PTPRD: variants seen among roughly 807,000 people sequenced by gnomAD.
PTPRD encodes the protein protein tyrosine phosphatase receptor type D.
A neutral mutation model predicts 214.5 loss-of-function variants in PTPRD; 34 were observed. The ratio of observed to expected loss-of-function variants is 0.16; its 90% CI spans 0.12 to 0.21. PTPRD has a LOEUF of 0.21. PTPRD is among the 10% of genes least tolerant of loss of function. The probability of loss-of-function intolerance (pLI) is 1.00; values close to 1 mark genes in which losing one functional copy is unlikely to be tolerated. For missense variants in PTPRD, 2,545 were observed against 2,398.7 expected, an observed-to-expected ratio of 1.06 and a Z score of -1.27; for synonymous variants, 1,128 against 845.7, an observed-to-expected ratio of 1.33 and a Z score of -5.79.
At chr9:9,367,259 A>T (rs985823449) in intron 9 of PTPRD, among the ~76,000 whole-genome samples, 4 of 151,590 alleles carry the variant, frequency 2.6e-5, no homozygotes, top group African/African-American at 9.7e-5. Flanking sequence ...GGAATTCACT[A>T]GAAGTTAACT....
rs1008201701 is a variant in PTPRD at position 9,111,632 on chromosome 9, G to T, written c.-143+71672C>A. On this transcript the variant is annotated intron_variant, in intron 10 of 45. Coordinates refer to ENST00000381196, the MANE Select transcript of PTPRD (RefSeq NM_002839.4). ...GTGACCTGGATAGAAGAGTACTGGT[G>T]TAACAGTTTTGCCCAAGGGTCTGTG... Among the ~76,000 whole-genome samples, 53 of 152,282 alleles carry T rather than the reference G, an allele frequency of 3.5e-4. 1 individual carries two copies. The highest frequency in any genetic ancestry group is 1.2e-3 in the African/African-American group (48 of 41,580).
chr9:10,327,878 T>C (rs1374974320), intron 3 of PTPRD, among the ~76,000 whole-genome samples: 2 of 151,792 alleles, frequency 1.3e-5, no homozygotes, highest in African/African-American at 4.8e-5. Flanking sequence ...AACCCAGGTC[T>C]ATTCTTTGAT....
intron 39 of PTPRD, among the ~76,000 whole-genome samples, chr9:8,361,504 G>GAC (rs1426058369): frequency 6.6e-6 from 1 of 152,094 alleles, no homozygotes; most frequent in Non-Finnish European, 1.5e-5. Context: ...AACAGCATAG[G>GAC]ACACCTAGTC....
intron 7 of PTPRD, among the ~76,000 whole-genome samples, chr9:9,677,824 C>T (rs1254947734): frequency 1.2e-4 from 19 of 152,110 alleles, no homozygotes; most frequent in African/African-American, 4.6e-4. Flanking sequence ...AAAACCCTAT[C>T]ATCTCAGCCC....
At chr9:8,986,652 C>T (rs927478383) in intron 11 of PTPRD, among the ~76,000 whole-genome samples, 6 of 151,864 alleles carry the variant, frequency 4.0e-5, no homozygotes, top group African/African-American at 9.7e-5. Flanking sequence ...TAAATAATTG[C>T]GGTGAACATC....
At chr9:8,640,146 T>G (rs1214841168) in intron 12 of PTPRD, among the ~76,000 whole-genome samples, 1 of 152,076 alleles carries the variant, frequency 6.6e-6, no homozygotes, top group African/African-American at 2.4e-5. Flanking sequence ...GTTCAGCATG[T>G]CTTGAACTCC....
chr9:8,691,764 G>C (rs545091021), intron 12 of PTPRD, among the ~76,000 whole-genome samples: 2 of 152,232 alleles, frequency 1.3e-5, no homozygotes, highest in East Asian at 1.9e-4. Context: ...TCAATGTGAT[G>C]TGATCAAATC....
chr9:9,226,338 G>C (rs771311620), intron 9 of PTPRD, among the ~76,000 whole-genome samples: 2 of 151,788 alleles, frequency 1.3e-5, no homozygotes, highest in Non-Finnish European at 2.9e-5. Flanking sequence ...GGGGATTAAA[G>C]CAAATTTTAC....
intron 11 of PTPRD, among the ~76,000 whole-genome samples, chr9:8,935,782 T>C (rs1007297236): frequency 6.6e-6 from 1 of 152,208 alleles, no homozygotes. Flanking sequence ...ATAGTGATTC[T>C]TACTATGAGT....
At chr9:9,417,310 A>T (rs945325790) in intron 8 of PTPRD, among the ~76,000 whole-genome samples, 1 of 152,148 alleles carries the variant, frequency 6.6e-6, no homozygotes, top group Admixed American at 6.6e-5. Context: ...ATTGATATAG[A>T]TTCATTCCAC....
At chr9:9,833,159 T>G (rs1185411247) in intron 5 of PTPRD, among the ~76,000 whole-genome samples, 1 of 151,972 alleles carries the variant, frequency 6.6e-6, no homozygotes, top group African/African-American at 2.4e-5. Flanking sequence ...GACAATCTGT[T>G]AAGGGTTCTA....
chr9:10,010,049 T>C (rs936963876), intron 4 of PTPRD, among the ~76,000 whole-genome samples: 1 of 151,938 alleles, frequency 6.6e-6, no homozygotes, highest in African/African-American at 2.4e-5. Context: ...ATTCAGTTGG[T>C]TGAGAGGCTT....
chr9:10,254,403 A>G (rs2093062707), intron 3 of PTPRD, among the ~76,000 whole-genome samples: 1 of 152,094 alleles, frequency 6.6e-6, no homozygotes, highest in Non-Finnish European at 1.5e-5. Flanking sequence ...CCAACTTTTT[A>G]TTATTCACAG....
intron 12 of PTPRD, among the ~76,000 whole-genome samples, chr9:8,697,609 G>C (rs376958605): frequency 2.0e-5 from 3 of 151,664 alleles, no homozygotes; most frequent in South Asian, 4.2e-4. Context: ...TTTTAGTAGA[G>C]ATGAGTTTTC....
At chr9:9,802,810 G>GA (rs1224939835) in intron 5 of PTPRD, among the ~76,000 whole-genome samples, 1 of 151,420 alleles carries the variant, frequency 6.6e-6, no homozygotes, top group Non-Finnish European at 1.5e-5. Flanking sequence ...CCCTCCCTCA[G>GA]AAAAAAATTC....
intron 7 of PTPRD, among the ~76,000 whole-genome samples, chr9:9,633,743 G>C (rs2095665691): frequency 6.6e-6 from 1 of 152,174 alleles, no homozygotes; most frequent in South Asian, 2.1e-4. Context: ...CAGGAGGAAA[G>C]CTACACTAAT....
At chr9:9,697,232 G>C (rs1013636116) in intron 7 of PTPRD, among the ~76,000 whole-genome samples, 5 of 152,040 alleles carry the variant, frequency 3.3e-5, no homozygotes, top group Non-Finnish European at 7.4e-5. Flanking sequence ...TACAGTGTTA[G>C]AATATTGTGA....
intron 33 of PTPRD, among the ~76,000 whole-genome samples, chr9:8,453,057 T>C (rs181777009): frequency 7.0e-4 from 106 of 152,356 alleles, no homozygotes; most frequent in African/African-American, 2.5e-3. Context: ...AATTTTCTTT[T>C]CAGTTTATTT....
chr9:9,342,231 T>C (rs188520137), intron 9 of PTPRD, among the ~76,000 whole-genome samples: 2 of 152,198 alleles, frequency 1.3e-5, no homozygotes, highest in Non-Finnish European at 1.5e-5. Flanking sequence ...AATACTGTCA[T>C]GCTTTATAGA....
Sources: allele counts gnomAD v4.1 joint callset (sites outside exome capture counted in the v4.1 genomes callset), GRCh38; gene constraint gnomAD v4.1.1; transcripts MANE v1.5; gene names NCBI Gene and HGNC (gene_info 2026-07-23, HGNC 2026-07-21).